FAM135A: variants seen among roughly 807,000 people sequenced by gnomAD.
The protein encoded by FAM135A is family with sequence similarity 135 member A.
FAM135A carries 79 observed loss-of-function variants against 146.8 expected under a neutral mutation model. The ratio of observed to expected loss-of-function variants is 0.54; its 90% CI spans 0.45 to 0.65. The LOEUF is 0.65. Ranked by LOEUF, FAM135A falls within the 30% of genes least tolerant of loss-of-function variation. The pLI, the probability that FAM135A is intolerant of heterozygous loss-of-function variation, is 0.00. For missense variants in FAM135A, 1,623 were observed against 1,758.2 expected (o/e 0.92, Z 1.38); for synonymous variants, 562 against 603.6 (o/e 0.93, Z 1.01).
At chr6:70,452,426 G>A in intron 4 of FAM135A, 66 bp from the exon 5 acceptor site, 1 of 1,129,312 alleles carries the variant, frequency 8.9e-7, no homozygotes, top group Admixed American at 2.1e-5. Flanking sequence ...ATACAAATGT[G>A]GAAGTCGGGG....
intron 5 of FAM135A, 137 bp downstream of exon 5, chr6:70,452,708 G>A (rs916844421): frequency 1.7e-6 from 1 of 572,858 alleles, no homozygotes; most frequent in Admixed American, 4.1e-5. Context: ...AAATATATTT[G>A]GGGACTCAGT....
intron 8 of FAM135A, among the ~76,000 whole-genome samples, chr6:70,480,530 T>A (rs1244430997): frequency 2.0e-5 from 3 of 152,174 alleles, no homozygotes; most frequent in Non-Finnish European, 4.4e-5. Context: ...AGCATTCATA[T>A]TTCATTAAGT....
chr6:70,494,053 C>CA (rs35693076), intron 11 of FAM135A, among the ~76,000 whole-genome samples: 1,781 of 81,616 alleles, frequency 0.022, 45 homozygotes, highest in Middle Eastern at 0.043. Flanking sequence ...GACTCTGTCT[C>CA]AAAAAAAAAA....
At chr6:70,508,487 A>G (rs1790290311) in intron 12 of FAM135A, among the ~76,000 whole-genome samples, 1 of 152,120 alleles carries the variant, frequency 6.6e-6, no homozygotes, top group Non-Finnish European at 1.5e-5. Flanking sequence ...GCCATATTTA[A>G]TATTGATTGT....
chr6:70,449,322 C>A (rs1237250860), intron 4 of FAM135A, among the ~76,000 whole-genome samples: 1 of 151,960 alleles, frequency 6.6e-6, no homozygotes, highest in African/African-American at 2.4e-5. Context: ...ACTGTGGTCA[C>A]CATGCAGTGC....
At chr6:70,472,669 A>G (rs938607784) in intron 5 of FAM135A, among the ~76,000 whole-genome samples, 1 of 152,094 alleles carries the variant, frequency 6.6e-6, no homozygotes, top group Non-Finnish European at 1.5e-5. Context: ...ATTAATTGTT[A>G]TGTCTCTTTA....
At chr6:70,535,572 A>C (rs1393528367) in intron 18 of FAM135A, among the ~76,000 whole-genome samples, 1 of 152,120 alleles carries the variant, frequency 6.6e-6, no homozygotes, top group East Asian at 1.9e-4. Flanking sequence ...CCTGAGTTGG[A>C]ATAGTTTCAT....
intron 2 of FAM135A, among the ~76,000 whole-genome samples, chr6:70,422,043 A>C (rs1284998365): frequency 6.6e-6 from 1 of 152,232 alleles, no homozygotes; most frequent in Non-Finnish European, 1.5e-5. Context: ...CTGTGTAAGC[A>C]AGAGATTTTG....
chr6:70,449,833 T>C (rs1355947095), intron 4 of FAM135A, among the ~76,000 whole-genome samples: 1 of 152,218 alleles, frequency 6.6e-6, no homozygotes, highest in Non-Finnish European at 1.5e-5. Flanking sequence ...TTGAGGAACC[T>C]CTATAATGTT....
At chr6:70,519,428 C>A (rs865808135) in intron 12 of FAM135A, among the ~76,000 whole-genome samples, 1 of 152,128 alleles carries the variant, frequency 6.6e-6, no homozygotes, top group African/African-American at 2.4e-5. Flanking sequence ...AAAGCAGTGG[C>A]GAGTCAAGAG....
intron 16 of FAM135A, among the ~76,000 whole-genome samples, chr6:70,531,886 T>A (rs1053288860): frequency 6.4e-5 from 9 of 140,242 alleles, no homozygotes; most frequent in Non-Finnish European, 1.1e-4. Flanking sequence ...TTAAACTGAT[T>A]TCTTTTTTTT....
intron 20 of FAM135A, among the ~76,000 whole-genome samples, chr6:70,539,889 G>C (rs1461176193): frequency 6.6e-6 from 1 of 152,104 alleles, no homozygotes; most frequent in Non-Finnish European, 1.5e-5. Context: ...CCAGCTACTC[G>C]GGAGGCTGAG....
At chr6:70,493,671 ATAT>A (rs1432317542) in intron 11 of FAM135A, among the ~76,000 whole-genome samples, 1 of 152,188 alleles carries the variant, frequency 6.6e-6, no homozygotes, top group East Asian at 1.9e-4. Context: ...AAGATTCATA[ATAT>A]TGTAAAAATG....
chr6:70,505,445 C>A (rs1052276207), intron 12 of FAM135A, among the ~76,000 whole-genome samples: 1 of 151,878 alleles, frequency 6.6e-6, no homozygotes, highest in Non-Finnish European at 1.5e-5. Context: ...GAGTATTGGC[C>A]AGTAAGTTTG....
chr6:70,475,163 C>T lies in FAM135A; in HGVS notation c.158-247C>T, dbSNP rs142091000. Among the ~76,000 whole-genome samples, 180 of 152,266 alleles carry T rather than the reference C, an allele frequency of 1.2e-3. 2 individuals are homozygous for T. Among genetic ancestry groups the T allele is most frequent in the African/African-American group, 4.1e-3 (172 of 41,558 alleles). ...GTTGTTCACTCTAAAATTTCTGCTTCGATATTTCCTCATTTACCTTTCAGA... is the reference window on the plus strand; with the variant it reads ...GTTGTTCACTCTAAAATTTCTGCTTTGATATTTCCTCATTTACCTTTCAGA... On this transcript the variant is annotated intron_variant, in intron 5 of 21. Transcript: ENST00000418814.
intron 10 of FAM135A, among the ~76,000 whole-genome samples, chr6:70,490,819 T>G (rs1166428022): frequency 6.6e-6 from 1 of 152,016 alleles, no homozygotes; most frequent in African/African-American, 2.4e-5. Flanking sequence ...GTGTTAACTC[T>G]TGTGAAAAAT....
At chr6:70,460,627 T>A (rs1304502786) in intron 5 of FAM135A, among the ~76,000 whole-genome samples, 3 of 152,198 alleles carry the variant, frequency 2.0e-5, no homozygotes, top group African/African-American at 7.2e-5. Flanking sequence ...GCAGGTCTAG[T>A]TACTTTGGTA....
chr6:70,443,507 A>G (rs1775029596), intron 4 of FAM135A, among the ~76,000 whole-genome samples: 1 of 152,254 alleles, frequency 6.6e-6, no homozygotes, highest in Non-Finnish European at 1.5e-5. Flanking sequence ...TAAGTACACT[A>G]CATTGTTCGC....
At chr6:70,413,939 C>A in intron 1 of FAM135A, 1 of 985,538 alleles carries the variant, frequency 1.0e-6, no homozygotes, top group Non-Finnish European at 1.2e-6. Context: ...GCGCGCTGCT[C>A]TCCCGGTGCC....
Sources: gnomAD v4.1 joint callset for allele counts (sites outside exome capture counted in the v4.1 genomes callset) on GRCh38, gnomAD v4.1.1 for gene constraint, MANE v1.5 for transcripts, NCBI Gene and HGNC (gene_info 2026-07-23, HGNC 2026-07-21) for gene names.